The following DIPK2A variants were observed in gnomAD, a reference collection of about 807,000 sequenced individuals.
The protein encoded by DIPK2A is divergent protein kinase domain 2A.
Under a neutral mutation model 39.0 loss-of-function variants are expected in DIPK2A, and 27 were observed. The ratio of observed to expected loss-of-function variants is 0.69; its 90% confidence interval spans 0.51 to 0.96. The LOEUF (loss-of-function observed/expected upper bound fraction) is 0.96. Ranked by LOEUF, DIPK2A falls within the 40% of genes least tolerant of loss-of-function variation. The probability of loss-of-function intolerance (pLI) is 0.00; values close to 1 mark genes in which losing one functional copy is unlikely to be tolerated. For synonymous variants in DIPK2A, 298 were observed against 240.8 expected (o/e 1.24, Z -2.20); for missense variants, 528 against 571.3 (o/e 0.92, Z 0.77).
intron 1 of DIPK2A, among the ~76,000 whole-genome samples, chr3:143,981,060 T>C (rs956841459): frequency 1.3e-5 from 2 of 152,244 alleles, no homozygotes; most frequent in African/African-American, 4.8e-5. Flanking sequence ...TCTTTACTCA[T>C]ATATTCCATG....
intron 1 of DIPK2A, among the ~76,000 whole-genome samples, chr3:143,985,211 G>T (rs185074826): frequency 6.6e-6 from 1 of 152,304 alleles, no homozygotes; most frequent in Admixed American, 6.5e-5. Flanking sequence ...TTACACAAGT[G>T]AAGAAGATAA....
At chr3:143,975,061 C>T (rs1249974141) in intron 1 of DIPK2A, among the ~76,000 whole-genome samples, 1 of 152,032 alleles carries the variant, frequency 6.6e-6, no homozygotes, top group Non-Finnish European at 1.5e-5. Context: ...TTATATATGA[C>T]ACATAATGAC....
Position 143,989,954 on chromosome 3 carries a change from A to G in DIPK2A, c.*113A>G, listed in dbSNP as rs2087957774. The G allele has an allele frequency of 1.1e-5, 8 of 730,596 alleles. No homozygotes were observed. The Admixed American group carries it at 2.3e-4, about 21-fold the overall frequency. The allele number at this position is 730,596 out of a possible 1,614,324, so 45.3% of individuals were successfully genotyped here. On this transcript the variant is annotated 3_prime_UTR_variant, in exon 3 of 3. Coordinates refer to ENST00000315691, the MANE Select transcript of DIPK2A (RefSeq NM_173552.5). ...GGAAGTGTTACATTCAGAGGATGAT[A>G]AACTTGCACTGATAGATCTTAATGT...
At chr3:143,985,168 A>G (rs193285879) in intron 1 of DIPK2A, among the ~76,000 whole-genome samples, 131 of 152,356 alleles carry the variant, frequency 8.6e-4, no homozygotes, top group African/African-American at 3.0e-3. Flanking sequence ...CTGCAGTGCT[A>G]TCAGTTTAAA....
chr3:143,981,105 G>T (rs1206007141), intron 1 of DIPK2A, among the ~76,000 whole-genome samples: 1 of 152,092 alleles, frequency 6.6e-6, no homozygotes, highest in Non-Finnish European at 1.5e-5. Context: ...TGGCATGATA[G>T]AATGAAATGG....
intron 1 of DIPK2A, among the ~76,000 whole-genome samples, chr3:143,977,616 T>C (rs1179618916): frequency 6.6e-6 from 1 of 152,128 alleles, no homozygotes; most frequent in Non-Finnish European, 1.5e-5. Flanking sequence ...TACTTCTCCT[T>C]TACTGGCTGT....
chr3:143,986,018 T>TG (rs2087894722), intron 2 of DIPK2A, 172 bp downstream of exon 2: 1 of 588,586 alleles, frequency 1.7e-6, no homozygotes, highest in Admixed American at 3.2e-5. Context: ...TTTGACTTAC[T>TG]GGGGGTTACA....
intron 1 of DIPK2A, among the ~76,000 whole-genome samples, chr3:143,980,874 T>C (rs1377593202): frequency 1.3e-5 from 2 of 152,188 alleles, no homozygotes; most frequent in Non-Finnish European, 2.9e-5. Flanking sequence ...TTATAAAATA[T>C]TTTATATTGT....
intron 1 of DIPK2A, among the ~76,000 whole-genome samples, chr3:143,981,703 A>G (rs2087831990): frequency 6.6e-6 from 1 of 152,200 alleles, no homozygotes; most frequent in South Asian, 2.1e-4. Context: ...AAAACAAAAA[A>G]TAAACCCAAA....
rs989237405 is a variant in DIPK2A, at chr3:143,992,251, G to C, written c.*2410G>C. 6.6e-6 allele frequency: 1 copy of C among 152,494 alleles called. No homozygotes were observed. Among genetic ancestry groups the C allele is most frequent in the African/African-American group, 2.4e-5 (1 of 41,392 alleles). 9.4% of individuals were successfully genotyped at this position (152,494 alleles called of 1,614,324 possible). ...TGTATGTGCATTAAAATTGTCTTTT[G>C]TACTGTAAGTTACTGTTAATTTGAA... On this transcript the variant is annotated 3_prime_UTR_variant, in exon 3 of 3. Coordinates refer to ENST00000315691, the MANE Select transcript of DIPK2A (RefSeq NM_173552.5).
intron 1 of DIPK2A, among the ~76,000 whole-genome samples, chr3:143,974,775 A>G (rs2087706631): frequency 6.6e-6 from 1 of 152,168 alleles, no homozygotes; most frequent in Non-Finnish European, 1.5e-5. Context: ...TTTTAAGAAC[A>G]TTATGTGGCC....
At chr3:143,982,063 A>G (rs2107844383) in intron 1 of DIPK2A, among the ~76,000 whole-genome samples, 1 of 152,348 alleles carries the variant, frequency 6.6e-6, no homozygotes, top group Middle Eastern at 3.4e-3. Context: ...AAGTTAAAAT[A>G]CTGTGTTTTT....
chr3:143,976,885 T>C (rs1363664671), intron 1 of DIPK2A, among the ~76,000 whole-genome samples: 1 of 152,114 alleles, frequency 6.6e-6, no homozygotes, highest in African/African-American at 2.4e-5. Flanking sequence ...TGGTAAATTG[T>C]AAGCATTCAA....
At position 143,989,542 on chromosome 3, in the gene DIPK2A, A is replaced by G; in HGVS notation, c.994A>G (p.Ser332Gly). The change falls in exon 3 of 3, where the codon AGC (serine) becomes GGC (glycine). Residue 332 changes from serine to glycine, a missense_variant. Ser to Gly is a moderately conservative substitution (Grantham distance 56, BLOSUM62 0). This residue lies in a region of DIPK2A where 219 missense variants were observed against 281.5 expected (regional missense o/e 0.78). Transcript: ENST00000315691. ...TGAAAATTGGGATGTATGGTATGAA[A>G]GCAAGTTTGATGACTGTGATAAGGA... Reference protein sequence around the residue: ...KPENWDVWYESKFDDCDKEAC... With the variant: ...KPENWDVWYEGKFDDCDKEAC... 1 of 1,613,908 alleles carries G rather than the reference A, an allele frequency of 6.2e-7. No individual in the cohort carries two copies. Among genetic ancestry groups the G allele is most frequent in the South Asian group, 1.1e-5 (1 of 91,076 alleles).
At chr3:143,986,978 G>A (rs2087911948) in intron 2 of DIPK2A, among the ~76,000 whole-genome samples, 1 of 152,102 alleles carries the variant, frequency 6.6e-6, no homozygotes. Context: ...ATATTAGGTT[G>A]ACATTTACTT....
intron 2 of DIPK2A, among the ~76,000 whole-genome samples, chr3:143,988,604 A>ATG (rs1420469171): frequency 1.3e-5 from 2 of 152,116 alleles, no homozygotes; most frequent in Non-Finnish European, 2.9e-5. Context: ...CTTCAAGTAC[A>ATG]TGTGTGCTTA....
chr3:143,978,669 G>GATATATATATATATAT, intron 1 of DIPK2A: 1 of 32,840 alleles, frequency 3.0e-5, no homozygotes, highest in South Asian at 1.0e-3. Flanking sequence ...TCTATATATA[G>GATATATATATATATAT]ATATATATAT....
chr3:143,973,182 T>G, intron 1 of DIPK2A, 193 bp downstream of exon 1: 3 of 993,718 alleles, frequency 3.0e-6, no homozygotes, highest in Non-Finnish European at 4.6e-6. Context: ...ACCCCGCTGA[T>G]GGAGAGTCTG....
At position 143,990,800 on chromosome 3, in the gene DIPK2A, T is replaced by C. The variant is rs1468055802; in HGVS notation, c.*959T>C. 2.6e-5 allele frequency: 4 copies of C among 152,624 alleles called. No homozygotes were observed. The highest frequency in any genetic ancestry group is 5.9e-5 in the Non-Finnish European group (4 of 67,998). 9.5% of individuals were successfully genotyped at this position (152,624 alleles called of 1,614,324 possible). On this transcript the variant is annotated 3_prime_UTR_variant, in exon 3 of 3. Transcript: ENST00000315691. ...TAAAATAGAATTGGTCAGCTACTTA[T>C]TCTTACCACCCTACTTCCAGTATTT...
Sources: allele counts gnomAD v4.1 joint callset (sites outside exome capture counted in the v4.1 genomes callset), GRCh38; gene constraint gnomAD v4.1.1; regional missense constraint gnomAD v4.1.1; transcripts MANE v1.5; gene names NCBI Gene and HGNC (gene_info 2026-07-23, HGNC 2026-07-21).